Variants in ASIC2 observed in about 807,000 individuals in gnomAD.
The protein encoded by ASIC2 is acid sensing ion channel subunit 2.
Under a neutral mutation model 57.3 loss-of-function variants are expected in ASIC2, and 25 were observed. That is an observed-to-expected ratio of 0.44 (90% CI 0.32 to 0.61). ASIC2 has a LOEUF of 0.61. ASIC2 is among the 20% of genes least tolerant of loss of function. The probability of loss-of-function intolerance (pLI) is 0.06; values close to 1 mark genes in which losing one functional copy is unlikely to be tolerated. For missense variants in ASIC2, 641 were observed against 738.1 expected, an observed-to-expected ratio of 0.87 and a Z score of 1.52; for synonymous variants, 319 against 307.5, an observed-to-expected ratio of 1.04 and a Z score of -0.39.
intron 1 of ASIC2, among the ~76,000 whole-genome samples, chr17:33,538,279 G>T (rs576202927): frequency 3.3e-5 from 5 of 152,254 alleles, no homozygotes; most frequent in East Asian, 1.9e-4. Flanking sequence ...AGGTCTCATC[G>T]CATACCCCTG....
chr17:33,308,454 G>C (rs1906272324), intron 1 of ASIC2, among the ~76,000 whole-genome samples: 1 of 152,090 alleles, frequency 6.6e-6, no homozygotes, highest in Non-Finnish European at 1.5e-5. Context: ...TGGACTTCAT[G>C]GTGGAATCAA....
intron 1 of ASIC2, among the ~76,000 whole-genome samples, chr17:33,711,063 A>G (rs1205838558): frequency 6.6e-6 from 1 of 151,980 alleles, no homozygotes; most frequent in East Asian, 1.9e-4. Flanking sequence ...CGATCCTCCC[A>G]CCTCAGCCTC....
chr17:34,006,443 G>C (rs1441587422), intron 1 of ASIC2: 1 of 152,222 alleles, frequency 6.6e-6, no homozygotes, highest in East Asian at 1.9e-4. Context: ...GTGTTGACTT[G>C]TTTTAAGCTG....
At chr17:33,541,527 G>A (rs898306323) in intron 1 of ASIC2, among the ~76,000 whole-genome samples, 1 of 152,140 alleles carries the variant, frequency 6.6e-6, no homozygotes, top group African/African-American at 2.4e-5. Flanking sequence ...GTTCAGGGAG[G>A]AGCAGGGACT....
Position 33,573,957 on chromosome 17 carries a change from G to A in ASIC2, c.556-461890C>T, listed in dbSNP as rs1833515486. Among the ~76,000 whole-genome samples, 2 of 152,178 alleles carry A rather than the reference G, an allele frequency of 1.3e-5. 1 individual carries two copies. Among genetic ancestry groups the A allele is most frequent in the African/African-American group, 4.8e-5 (2 of 41,442 alleles). On this transcript the variant is annotated intron_variant, in intron 1 of 9. Transcript: ENST00000359872. Reference sequence around the variant, plus strand: ...CTCAACATCAAGTTTCTGGTATTCAGCCACGTTGATACAGGCTGCTTACTC... The same window carrying A: ...CTCAACATCAAGTTTCTGGTATTCAACCACGTTGATACAGGCTGCTTACTC...
In ASIC2 at chr17:33,142,899, G is replaced by C. The variant is rs533068648; in HGVS notation, c.709-30832C>G. Among the ~76,000 whole-genome samples, 3 of 152,322 alleles carry C rather than the reference G, an allele frequency of 2.0e-5. No homozygotes were observed. In the South Asian group the frequency reaches 6.2e-4, roughly 32 times the overall value. On this transcript the variant is annotated intron_variant, in intron 1 of 9. Coordinates refer to ENST00000225823, the MANE Select transcript of ASIC2 (RefSeq NM_183377.2). The stretch of plus-strand genomic sequence containing the variant: ...GAGTGGTTGGTGTGGCCAGATGAAA[G>C]GGTTGGTCACTGTCCATGGTCCTGA...
At chr17:33,728,818 C>G (rs1302455086) in intron 1 of ASIC2, among the ~76,000 whole-genome samples, 1 of 152,132 alleles carries the variant, frequency 6.6e-6, no homozygotes, top group Non-Finnish European at 1.5e-5. Flanking sequence ...GCTGCAGCGC[C>G]TATGCCCAAC....
intron 1 of ASIC2, among the ~76,000 whole-genome samples, chr17:33,305,726 T>C (rs1906144576): frequency 6.6e-6 from 1 of 152,220 alleles, no homozygotes; most frequent in Non-Finnish European, 1.5e-5. Flanking sequence ...GGACAGGATC[T>C]ATTGCAGAAG....
At chr17:33,828,836 C>G (rs965656804) in intron 1 of ASIC2, among the ~76,000 whole-genome samples, 1 of 152,168 alleles carries the variant, frequency 6.6e-6, no homozygotes, top group Non-Finnish European at 1.5e-5. Context: ...CTCATCTTCT[C>G]ATTAACTCAT....
chr17:34,019,801 A>C (rs140810085), intron 1 of ASIC2, among the ~76,000 whole-genome samples: 2 of 152,200 alleles, frequency 1.3e-5, no homozygotes, highest in African/African-American at 4.8e-5. Flanking sequence ...TGTATTTGTC[A>C]TGATTCTGAG....
intron 1 of ASIC2, among the ~76,000 whole-genome samples, chr17:34,012,399 G>A (rs1461292985): frequency 2.6e-5 from 4 of 152,260 alleles, no homozygotes; most frequent in South Asian, 2.1e-4. Flanking sequence ...CAATACCACG[G>A]ATTTTCCAGA....
intron 1 of ASIC2, among the ~76,000 whole-genome samples, chr17:34,083,059 A>AT (rs921810592): frequency 4.6e-4 from 69 of 151,280 alleles, no homozygotes; most frequent in Admixed American, 3.3e-3. Context: ...TTTAGGGTAC[A>AT]TGTGCACAAT....
chr17:33,980,551 G>T (rs532197972), intron 1 of ASIC2, among the ~76,000 whole-genome samples: 2 of 152,300 alleles, frequency 1.3e-5, no homozygotes, highest in Admixed American at 1.3e-4. Context: ...TGGGAACTTG[G>T]GTAGGTTGAG....
chr17:34,143,513 C>T (rs1485226709), intron 1 of ASIC2, among the ~76,000 whole-genome samples: 1 of 152,122 alleles, frequency 6.6e-6, no homozygotes, highest in African/African-American at 2.4e-5. Context: ...AGCAAGGTTG[C>T]CTATTGTGTT....
At chr17:33,631,850 C>T (rs1271346221) in intron 1 of ASIC2, among the ~76,000 whole-genome samples, 1 of 152,096 alleles carries the variant, frequency 6.6e-6, no homozygotes, top group Non-Finnish European at 1.5e-5. Context: ...ACTTGATCAC[C>T]ATTTTCAAAT....
chr17:33,134,633 G>T (rs2092360567), intron 1 of ASIC2, among the ~76,000 whole-genome samples: 1 of 152,234 alleles, frequency 6.6e-6, no homozygotes, highest in South Asian at 2.1e-4. Context: ...CACTTCCAGA[G>T]CCTGGATAAT....
At chr17:33,458,164 T>C (rs545888997) in intron 1 of ASIC2, among the ~76,000 whole-genome samples, 12 of 152,126 alleles carry the variant, frequency 7.9e-5, no homozygotes, top group East Asian at 3.9e-4. Context: ...GCCTGATAGA[T>C]AGAAAGAAGC....
chr17:33,746,403 T>C (rs1422860847), intron 1 of ASIC2, among the ~76,000 whole-genome samples: 1 of 148,768 alleles, frequency 6.7e-6, no homozygotes, highest in African/African-American at 2.4e-5. Flanking sequence ...GGTAGATACA[T>C]GTATGTATAT....
chr17:33,905,133 GTTTAAGGCTTTTTTTT>G (rs1359755522), intron 1 of ASIC2, among the ~76,000 whole-genome samples: 1 of 125,138 alleles, frequency 8.0e-6, no homozygotes, highest in Non-Finnish European at 1.6e-5. Flanking sequence ...GAGCTACCTA[GTTTAAGGCTTTTTTTT>G]TTTTTTTTTT....
Sources: allele counts gnomAD v4.1 joint callset (sites outside exome capture counted in the v4.1 genomes callset), GRCh38; gene constraint gnomAD v4.1.1; transcripts MANE v1.5; gene names NCBI Gene and HGNC (gene_info 2026-07-23, HGNC 2026-07-21).